The following ESYT2 variants were observed in gnomAD, a reference collection of about 807,000 sequenced individuals.
ESYT2 encodes the protein extended synaptotagmin 2, also known as extended synaptotagmin-2.
A neutral mutation model predicts 107.2 loss-of-function variants in ESYT2; 54 were observed. The observed-to-expected ratio is 0.50, with a 90% CI of 0.40 to 0.63. The LOEUF (loss-of-function observed/expected upper bound fraction) is 0.63. Ranked by LOEUF, ESYT2 falls within the 30% of genes least tolerant of loss-of-function variation. The probability of loss-of-function intolerance (pLI) is 0.00; values close to 1 mark genes in which losing one functional copy is unlikely to be tolerated. For synonymous variants in ESYT2, 491 were observed against 434.1 expected (o/e 1.13, Z -1.63); for missense variants, 1,020 against 1,094.5 (o/e 0.93, Z 0.96).
In ESYT2 at chr7:158,753,345, C is replaced by T. The variant is rs541472457; in HGVS notation, c.1420-502G>A. Reference sequence around the variant, plus strand: ...AGAGGAGCTGCTCCTCTCTGCTCCTCGTCCTTTTCCGGGGTAGGAGTCAGG... The same window carrying T: ...AGAGGAGCTGCTCCTCTCTGCTCCTTGTCCTTTTCCGGGGTAGGAGTCAGG... On this transcript the variant is annotated intron_variant, in intron 13 of 22. Coordinates refer to ENST00000275418, the MANE Select transcript of ESYT2 (RefSeq NM_001367773.1). Among the ~76,000 whole-genome samples the T allele has an allele frequency of 4.9e-4, 75 of 152,300 alleles. 1 individual carries two copies. Among genetic ancestry groups the T allele is most frequent in the South Asian group, 2.7e-3 (13 of 4,826 alleles).
At chr7:158,801,034 G>T (rs911001649) in intron 1 of ESYT2, among the ~76,000 whole-genome samples, 1 of 152,196 alleles carries the variant, frequency 6.6e-6, no homozygotes, top group Non-Finnish European at 1.5e-5. Flanking sequence ...GTGAGGCAGT[G>T]ATGGACACGA....
At chr7:158,763,279 CTTAT>C (rs1008510360) in intron 9 of ESYT2, 114 bp from the exon 10 acceptor site, 16 of 383,408 alleles carry the variant, frequency 4.2e-5, no homozygotes, top group South Asian at 1.1e-4. Flanking sequence ...GTGGTAAATC[CTTAT>C]TTATTTATTT....
intron 3 of ESYT2, among the ~76,000 whole-genome samples, chr7:158,796,421 A>G (rs1329557052): frequency 6.6e-6 from 1 of 152,216 alleles, no homozygotes; most frequent in South Asian, 2.1e-4. Flanking sequence ...TGTTGTACCT[A>G]ACATACCAGC....
intron 6 of ESYT2, among the ~76,000 whole-genome samples, chr7:158,786,641 TC>T (rs1319559280): frequency 6.6e-6 from 1 of 152,212 alleles, no homozygotes; most frequent in Non-Finnish European, 1.5e-5. Context: ...GACACTTAAT[TC>T]TTTTGTTTTT....
intron 6 of ESYT2, among the ~76,000 whole-genome samples, chr7:158,783,056 T>C (rs1347534552): frequency 6.6e-6 from 1 of 152,142 alleles, no homozygotes; most frequent in Non-Finnish European, 1.5e-5. Flanking sequence ...CTCAGGATGC[T>C]GGGAGCCTCG....
At chr7:158,742,807 C>T (rs889007659) in intron 17 of ESYT2, among the ~76,000 whole-genome samples, 1 of 152,170 alleles carries the variant, frequency 6.6e-6, no homozygotes, top group Non-Finnish European at 1.5e-5. Context: ...TTTGTATCAC[C>T]AAAACAAAAG....
intron 18 of ESYT2, among the ~76,000 whole-genome samples, chr7:158,739,350 T>C (rs1275205982): frequency 6.6e-6 from 1 of 152,212 alleles, no homozygotes; most frequent in Admixed American, 6.5e-5. Flanking sequence ...TTATTTCTTT[T>C]GTTTTTGTTT....
chr7:158,761,742 C>A (rs900252047), intron 10 of ESYT2, among the ~76,000 whole-genome samples, 198 bp from the exon 11 acceptor site: 2 of 152,120 alleles, frequency 1.3e-5, no homozygotes, highest in African/African-American at 4.8e-5. Context: ...TCCAGCTCAC[C>A]CCCAGTGTCA....
chr7:158,781,765 G>GT (rs1210112353), intron 6 of ESYT2, among the ~76,000 whole-genome samples: 3 of 152,110 alleles, frequency 2.0e-5, no homozygotes, highest in Non-Finnish European at 4.4e-5. Flanking sequence ...AGAGATGTGA[G>GT]TGTAAGAACG....
intron 13 of ESYT2, among the ~76,000 whole-genome samples, chr7:158,755,561 T>G (rs1305943992): frequency 6.6e-6 from 1 of 152,138 alleles, no homozygotes; most frequent in African/African-American, 2.4e-5. Context: ...TTTACACTAG[T>G]CTATGATGAA....
chr7:158,766,480 C>T (rs964830639), intron 8 of ESYT2, among the ~76,000 whole-genome samples: 1 of 152,132 alleles, frequency 6.6e-6, no homozygotes, highest in African/African-American at 2.4e-5. Context: ...GGAAAAAAGA[C>T]ATTCTTTTCT....
chr7:158,754,676 C>A (rs1017725531), intron 13 of ESYT2, among the ~76,000 whole-genome samples: 8 of 152,168 alleles, frequency 5.3e-5, no homozygotes, highest in Non-Finnish European at 1.2e-4. Context: ...ACTGATGAAT[C>A]TATAAACTTA....
At chr7:158,801,178 C>T (rs1399906484) in intron 1 of ESYT2, among the ~76,000 whole-genome samples, 2 of 152,190 alleles carry the variant, frequency 1.3e-5, no homozygotes, top group Non-Finnish European at 2.9e-5. Flanking sequence ...GTGCCCCATT[C>T]TATTCTGGAA....
In ESYT2 at chr7:158,735,610, T is replaced by C; in HGVS notation, c.2400-2A>G. On this transcript the variant is annotated splice_acceptor_variant, in intron 20 of 22. Transcript: ENST00000275418. LOFTEE classifies it high-confidence loss of function. ...GGTAACGAAACACTGAAATCAAAGC[T>C]GAAATAGGAAACGAGAGCCTTACTT... 1 of 1,611,964 alleles carries C rather than the reference T, an allele frequency of 6.2e-7. No individual in the cohort carries two copies. The highest frequency in any genetic ancestry group is 1.1e-5 in the South Asian group (1 of 90,906).
chr7:158,768,662 C>T (rs1461780838), intron 7 of ESYT2, among the ~76,000 whole-genome samples: 9 of 152,244 alleles, frequency 5.9e-5, no homozygotes, highest in Non-Finnish European at 1.0e-4. Context: ...AGGTGACCCA[C>T]CCACCTTGGC....
chr7:158,798,057 G>A lies in ESYT2; in HGVS notation c.392C>T (p.Pro131Leu). ...CTTCTCTATAAATTGGCAAATGAAA[G>A]GCCACATGTGTTTTACAGTCTGGAA... ...WLNKTVKHMW[P>L]FICQFIEKLF... Residue 131 changes from proline to leucine, a missense_variant, in exon 3 of 23, where the codon CCT becomes CTT. Coordinates refer to ENST00000275418, the MANE Select transcript of ESYT2 (RefSeq NM_001367773.1). 3 of 1,614,070 alleles carry A rather than the reference G, an allele frequency of 1.9e-6. No individual in the cohort carries two copies. The highest frequency in any genetic ancestry group is 1.3e-5 in the African/African-American group (1 of 75,000).
In ESYT2 at chr7:158,787,042, T is replaced by C. The variant is rs75660039; in HGVS notation, c.747+962A>G. The stretch of plus-strand genomic sequence containing the variant: ...AGGTGTGGGCTGATACAGACAACCA[T>C]ATGGGCAGTGTGCACCTGGAGAAGA... On this transcript the variant is annotated intron_variant, in intron 6 of 22. Transcript: ENST00000275418. 3.0e-3 allele frequency among the ~76,000 whole-genome samples: 455 copies of C among 152,100 alleles called. 12 individuals carry two copies. In the East Asian group the frequency reaches 0.075, roughly 25 times the overall value.
At position 158,792,420 on chromosome 7, in the gene ESYT2, C is replaced by T. The variant is rs145656874; in HGVS notation, c.584+1230G>A. ...GCATGCACCTGTAGTCTCAGCTACT[C>T]GGCAGGCTGAGGTGAGAGGATCGCT... On this transcript the variant is annotated intron_variant, in intron 4 of 22. Coordinates refer to ENST00000275418, the MANE Select transcript of ESYT2 (RefSeq NM_001367773.1). Among the ~76,000 whole-genome samples the T allele has an allele frequency of 3.6e-3, 540 of 151,148 alleles. 16 individuals are homozygous for T. The East Asian group carries it at 0.049, about 14-fold the overall frequency.
At chr7:158,771,998 G>A (rs939747911) in intron 7 of ESYT2, among the ~76,000 whole-genome samples, 1 of 151,910 alleles carries the variant, frequency 6.6e-6, no homozygotes, top group African/African-American at 2.4e-5. Flanking sequence ...GCGCGCACCT[G>A]TAATCCCAGC....
Sources: allele counts gnomAD v4.1 joint callset (sites outside exome capture counted in the v4.1 genomes callset), GRCh38; gene constraint gnomAD v4.1.1; transcripts MANE v1.5; gene names NCBI Gene and HGNC (gene_info 2026-07-23, HGNC 2026-07-21).